Variants in ODAD3 observed in about 807,000 individuals in gnomAD.
ODAD3 encodes outer dynein arm-docking complex subunit 3.
In ODAD3, 57 loss-of-function variants were observed where a neutral mutation model predicts 70.9. The observed-to-expected ratio is 0.80, with a 90% CI of 0.65 to 1.00. The LOEUF is 1.00. ODAD3 is among the 50% of genes least tolerant of loss of function. The pLI is 0.00. For synonymous variants in ODAD3, 327 were observed against 315.9 expected, an observed-to-expected ratio of 1.04 and a Z score of -0.37; for missense variants, 797 against 763.9, an observed-to-expected ratio of 1.04 and a Z score of -0.51.
rs369886487 is a variant in ODAD3 at position 11,426,277 on chromosome 19, G to A, written c.841-11C>T. 2.5e-6 allele frequency: 4 copies of A among 1,613,718 alleles called. No homozygotes were observed. Among genetic ancestry groups the A allele is most frequent in the Non-Finnish European group, 3.4e-6 (4 of 1,179,880 alleles). On this transcript the variant is annotated splice_polypyrimidine_tract_variant and intron_variant, in intron 6 of 12. Transcript: ENST00000356392. ...GTACTGCAGCTGGTTCTGGAGGGCGGGCAGGGTAGCAGGGAGACCAGCTGG... is the reference window on the plus strand; with the variant it reads ...GTACTGCAGCTGGTTCTGGAGGGCGAGCAGGGTAGCAGGGAGACCAGCTGG...
intron 3 of ODAD3, among the ~76,000 whole-genome samples, chr19:11,428,427 G>A (rs928902938): frequency 1.3e-5 from 2 of 152,148 alleles, no homozygotes; most frequent in African/African-American, 4.8e-5. Context: ...ATTTTTGGTA[G>A]AGACAGGGTT....
At chr19:11,435,779 T>G, upstream of ODAD3, 1 of 1,396,456 alleles carries the variant, frequency 7.2e-7, no homozygotes, top group Non-Finnish European at 9.4e-7. Context: ...CATGTGTGGG[T>G]GTGGACGGCG....
intron 7 of ODAD3, among the ~76,000 whole-genome samples, chr19:11,425,475 A>G (rs991104544): frequency 1.5e-5 from 2 of 129,384 alleles, no homozygotes; most frequent in Non-Finnish European, 1.8e-5. Flanking sequence ...ATATATGTAT[A>G]TATGTGTGTA....
chr19:11,431,113 CT>C lies in ODAD3; in HGVS notation c.245-94del, dbSNP rs371864734. The stretch of plus-strand genomic sequence containing the variant: ...GAAAGACCTTTTTTGCAATCATCAA[CT>C]TTTTTTTTTTTTTTGAGATGGAGTT... On this transcript the variant is annotated intron_variant, in intron 1 of 12. Transcript: ENST00000356392. The C allele has an allele frequency of 0.14, 160,876 of 1,189,544 alleles. No individual in the cohort carries two copies. Among genetic ancestry groups the C allele is most frequent in the South Asian group, 0.15 (9,785 of 63,782 alleles). The allele number at this position is 1,189,544 out of a possible 1,614,324, so 73.7% of individuals were successfully genotyped here. A position where few individuals can be genotyped will look rare whatever the true frequency, so the allele number is the denominator to read the frequency against.
intron 11 of ODAD3, 126 bp from the exon 12 acceptor site, chr19:11,421,338 C>T: frequency 1.2e-6 from 1 of 839,132 alleles, no homozygotes; most frequent in Non-Finnish European, 1.8e-6. Context: ...CCACTGCCCA[C>T]TCCCATCCCT....
chr19:11,422,611 C>T lies in ODAD3; in HGVS notation c.1294G>A (p.Ala432Thr), dbSNP rs377241671. The change falls in exon 10 of 13, where the codon GCC (alanine) becomes ACC (threonine). Residue 432 changes from alanine to threonine, a missense_variant. Transcript: ENST00000356392. The surrounding 1 kb of genome is among the most constrained non-coding windows in gnomAD (Gnocchi z 4.6). Reference protein sequence around the residue: ...ATLVSQQKLQAEAQERLKKEE... With the variant: ...ATLVSQQKLQTEAQERLKKEE... Reference sequence around the variant, plus strand: ...TTCTTGAGACGCTCCTGCGCCTCGGCTTGCAGTTTCTGCTGGCTGCAGGGA... The same window carrying T: ...TTCTTGAGACGCTCCTGCGCCTCGGTTTGCAGTTTCTGCTGGCTGCAGGGA... 6.3e-6 allele frequency: 10 copies of T among 1,598,688 alleles called. No individual in the cohort carries two copies. The East Asian group carries it at 6.7e-5, about 11-fold the overall frequency.
chr19:11,423,827 G>A lies in ODAD3; in HGVS notation c.1116+50C>T, dbSNP rs112757670. 2.0e-5 allele frequency: 29 copies of A among 1,457,824 alleles called. No homozygotes were observed. In the South Asian group the frequency reaches 2.6e-4, roughly 13 times the overall value. The allele number at this position is 1,457,824 out of a possible 1,614,324, so 90.3% of individuals were successfully genotyped here. On this transcript the variant is annotated intron_variant, in intron 8 of 12. Coordinates refer to ENST00000356392, the MANE Select transcript of ODAD3 (RefSeq NM_145045.5). ...ACCGGCTTAGGCACCCCTGGGGCCC[G>A]TCTGGGGTGGGGGGGGGGCGCGGCG... is the stretch of plus-strand genomic sequence containing the variant.
In ODAD3 at chr19:11,434,534, CAAA is replaced by C. The variant is rs35624049; in HGVS notation, c.244+236_244+238del. ...ACCTGGCAACAGAGTGAGATTCTGC[CAAA>C]AAAAAAAAAAAAAATAGAGAAAATA... On this transcript the variant is annotated intron_variant, in intron 1 of 12. Transcript: ENST00000356392. 1,012 of 177,254 alleles carry C rather than the reference CAAA, an allele frequency of 5.7e-3. 1 individual carries two copies. Among genetic ancestry groups the C allele is most frequent in the African/African-American group, 0.012 (360 of 31,224 alleles). 11.0% of individuals were successfully genotyped at this position (177,254 alleles called of 1,614,324 possible).
At chr19:11,425,173 G>GTACATATGTATATA in intron 7 of ODAD3, among the ~76,000 whole-genome samples, 1 of 134,602 alleles carries the variant, frequency 7.4e-6, no homozygotes, top group Non-Finnish European at 1.6e-5. Flanking sequence ...ATGTGTATAT[G>GTACATATGTATATA]TACATATGTG....
chr19:11,433,817 C>T (rs1298706704), intron 1 of ODAD3, among the ~76,000 whole-genome samples: 1 of 152,018 alleles, frequency 6.6e-6, no homozygotes, highest in Admixed American at 6.6e-5. Context: ...GTCCCAGCTA[C>T]TCAGGAGGCT....
In ODAD3 at chr19:11,435,037, C is replaced by T; in HGVS notation, c.-21G>A. 3.8e-6 allele frequency: 6 copies of T among 1,597,034 alleles called. No individual in the cohort carries two copies. Among genetic ancestry groups the T allele is most frequent in the South Asian group, 2.2e-5 (2 of 90,804 alleles). On this transcript the variant is annotated 5_prime_UTR_variant, in exon 1 of 13. Transcript: ENST00000356392. Reference sequence around the variant, plus strand: ...GTCATGATGGGGTTGGGGCTGAAGGCCCCTAGGGGTTAGGGGGATAACTAG... The same window carrying T: ...GTCATGATGGGGTTGGGGCTGAAGGTCCCTAGGGGTTAGGGGGATAACTAG...
At chr19:11,434,161 C>T (rs1969574865) in intron 1 of ODAD3, among the ~76,000 whole-genome samples, 1 of 149,134 alleles carries the variant, frequency 6.7e-6, no homozygotes, top group Non-Finnish European at 1.5e-5. Context: ...TGCAGTGAGC[C>T]GAGATCATGC....
At chr19:11,424,521 A>ATGTATATATGTATATATG (rs1195606098) in intron 7 of ODAD3, among the ~76,000 whole-genome samples, 3 of 138,500 alleles carry the variant, frequency 2.2e-5, no homozygotes, top group South Asian at 2.1e-4. Flanking sequence ...ATGTATATAT[A>ATGTATATATGTATATATG]TGTATATATG....
In ODAD3 at chr19:11,430,239, G is replaced by A. The variant is rs1049121315; in HGVS notation, c.444+460C>T. Among the ~76,000 whole-genome samples, 5 of 152,186 alleles carry A rather than the reference G, an allele frequency of 3.3e-5. No individual in the cohort carries two copies. The East Asian group carries it at 9.7e-4, about 29-fold the overall frequency. ...TGCAACCTCTGCCTCCCGGGTTCAA[G>A]CGATTCTCCTGCCTCAGCCTCCCGA... is the stretch of plus-strand genomic sequence containing the variant. On this transcript the variant is annotated intron_variant, in intron 3 of 12. Transcript: ENST00000356392.
At chr19:11,426,594 A>G (rs1440307073) in intron 5 of ODAD3, 23 bp from the exon 6 acceptor site, 1 of 1,613,924 alleles carries the variant, frequency 6.2e-7, no homozygotes. Flanking sequence ...GGGGAGGGGT[A>G]GCGGAGATGG....
chr19:11,421,902 G>C (rs1969144758), intron 10 of ODAD3, 70 bp from the exon 11 acceptor site: 13 of 1,526,370 alleles, frequency 8.5e-6, no homozygotes, highest in Non-Finnish European at 1.1e-5. Flanking sequence ...CCAGGGGCGG[G>C]GCTTTTCTTT....
intron 1 of ODAD3, 41 bp downstream of exon 1, chr19:11,434,730 ACT>A (rs1399582978): frequency 6.4e-7 from 1 of 1,562,030 alleles, no homozygotes; most frequent in Admixed American, 1.8e-5. Flanking sequence ...TTGGATGGGC[ACT>A]GTTGACCCCT....
chr19:11,423,857 G>C lies in ODAD3; in HGVS notation c.1116+20C>G. The C allele has an allele frequency of 1.9e-6, 3 of 1,592,244 alleles. No individual in the cohort carries two copies. Among genetic ancestry groups the C allele is most frequent in the Non-Finnish European group, 2.6e-6 (3 of 1,167,976 alleles). On this transcript the variant is annotated intron_variant, in intron 8 of 12. Coordinates refer to ENST00000356392, the MANE Select transcript of ODAD3 (RefSeq NM_145045.5). ...GGGTGGGGGGGGGGCGCGGCGGAGA[G>C]GGCTGCGGGCAGAACTCACGTGCGT...
chr19:11,434,573 A>T (rs754716760), intron 1 of ODAD3, 200 bp downstream of exon 1: 4 of 500,720 alleles, frequency 8.0e-6, no homozygotes, highest in Non-Finnish European at 1.3e-5. Flanking sequence ...AATTACAAGA[A>T]AGTATGAAGT....
Sources: allele counts gnomAD v4.1 joint callset (sites outside exome capture counted in the v4.1 genomes callset), GRCh38; gene constraint gnomAD v4.1.1; non-coding constraint Gnocchi (gnomAD v3.1); transcripts MANE v1.5; gene names NCBI Gene and HGNC (gene_info 2026-07-23, HGNC 2026-07-21).